The following VPS13B variants were observed in gnomAD, a reference collection of about 807,000 sequenced individuals.
VPS13B encodes vacuolar protein sorting 13 homolog B.
A neutral mutation model predicts 426.4 loss-of-function variants in VPS13B; 285 were observed. That is an observed-to-expected ratio of 0.67 (90% confidence interval 0.61 to 0.74). The LOEUF is 0.74. VPS13B is among the 30% of genes least tolerant of loss of function. The pLI, the probability that VPS13B is intolerant of heterozygous loss-of-function variation, is 0.00. For synonymous variants in VPS13B, 1,676 were observed against 1,676.4 expected, an observed-to-expected ratio of 1.00 and a Z score of 0.01; for missense variants, 4,537 against 4,782.6, an observed-to-expected ratio of 0.95 and a Z score of 1.51.
intron 23 of VPS13B, among the ~76,000 whole-genome samples, chr8:99,456,313 C>T (rs1001443410): frequency 6.6e-6 from 1 of 151,924 alleles, no homozygotes; most frequent in East Asian, 1.9e-4. Context: ...GGATTACAGG[C>T]GTGCACCACT....
intron 17 of VPS13B, among the ~76,000 whole-genome samples, chr8:99,200,902 C>G (rs1361722289): frequency 6.6e-6 from 1 of 151,978 alleles, no homozygotes; most frequent in African/African-American, 2.4e-5. Flanking sequence ...AGTACATCTT[C>G]TTTACATTGG....
intron 17 of VPS13B, among the ~76,000 whole-genome samples, chr8:99,228,787 G>A (rs1816160215): frequency 1.3e-5 from 2 of 152,246 alleles, no homozygotes; most frequent in Admixed American, 6.5e-5. Context: ...AGATATATAA[G>A]CACGTAATTA....
intron 33 of VPS13B, among the ~76,000 whole-genome samples, chr8:99,626,040 C>T (rs1017281765): frequency 5.9e-5 from 9 of 151,994 alleles, no homozygotes; most frequent in African/African-American, 2.2e-4. Context: ...TGAATCAGAC[C>T]TAAATGTAAG....
At chr8:99,496,293 A>C in intron 25 of VPS13B, among the ~76,000 whole-genome samples, 1 of 152,278 alleles carries the variant, frequency 6.6e-6, no homozygotes, top group East Asian at 1.9e-4. Context: ...ATATAATTAT[A>C]CTCATTAAAA....
At chr8:99,507,286 T>A in intron 28 of VPS13B, 83 bp downstream of exon 28, 1 of 1,391,744 alleles carries the variant, frequency 7.2e-7, no homozygotes, top group South Asian at 1.2e-5. Context: ...GGACTAATGG[T>A]TACAAGAATT....
intron 21 of VPS13B, among the ~76,000 whole-genome samples, chr8:99,415,768 C>T (rs1318855173): frequency 6.6e-6 from 1 of 152,220 alleles, no homozygotes; most frequent in Non-Finnish European, 1.5e-5. Flanking sequence ...AAGATTGCTG[C>T]CTGTTCCTTC....
intron 21 of VPS13B, among the ~76,000 whole-genome samples, chr8:99,408,125 C>T (rs1325993483): frequency 2.6e-5 from 4 of 152,114 alleles, no homozygotes; most frequent in African/African-American, 4.8e-5. Context: ...ACTTACAAAT[C>T]ATTGTAACGA....
chr8:99,731,752 A>C (rs894252834), intron 39 of VPS13B, among the ~76,000 whole-genome samples: 1 of 152,200 alleles, frequency 6.6e-6, no homozygotes, highest in Non-Finnish European at 1.5e-5. Flanking sequence ...TTAATGAGGA[A>C]GTAAGAGAAG....
At chr8:99,522,661 G>T (rs1250820651) in intron 30 of VPS13B, among the ~76,000 whole-genome samples, 1 of 151,950 alleles carries the variant, frequency 6.6e-6, no homozygotes, top group Non-Finnish European at 1.5e-5. Context: ...AGGGTAACTT[G>T]GGGTGACCCT....
At chr8:99,455,665 CT>C (rs1818414966) in intron 23 of VPS13B, among the ~76,000 whole-genome samples, 1 of 152,138 alleles carries the variant, frequency 6.6e-6, no homozygotes, top group Non-Finnish European at 1.5e-5. Flanking sequence ...CCCTGATCTG[CT>C]TTCTGTCCCT....
chr8:99,617,589 A>G (rs910000652), intron 33 of VPS13B, among the ~76,000 whole-genome samples: 7 of 152,028 alleles, frequency 4.6e-5, no homozygotes, highest in Non-Finnish European at 8.8e-5. Flanking sequence ...TGCCTCCCAA[A>G]TTGCTGAGAC....
chr8:99,848,259 A>G (rs1165347009), intron 54 of VPS13B, among the ~76,000 whole-genome samples: 3 of 152,216 alleles, frequency 2.0e-5, no homozygotes, highest in Non-Finnish European at 2.9e-5. Context: ...CATTCTTGTT[A>G]CGAGTTACAT....
intron 21 of VPS13B, among the ~76,000 whole-genome samples, chr8:99,394,073 C>A (rs1302135307): frequency 1.3e-5 from 2 of 151,926 alleles, no homozygotes; most frequent in African/African-American, 4.8e-5. Flanking sequence ...TGTTTTTTAA[C>A]CATCTTAGCC....
chr8:99,871,802 G>C (rs1306226608), intron 61 of VPS13B, 105 bp downstream of exon 61: 13 of 1,588,246 alleles, frequency 8.2e-6, no homozygotes, highest in Non-Finnish European at 1.1e-5. Context: ...CTCTGGAGTG[G>C]CTGCTGGAGA....
intron 50 of VPS13B, 112 bp from the exon 51 acceptor site, chr8:99,823,720 A>G (rs1814509445): frequency 8.6e-7 from 1 of 1,158,716 alleles, no homozygotes; most frequent in Non-Finnish European, 1.3e-6. Flanking sequence ...CAAAGGTAAA[A>G]TTGGTACTGT....
chr8:99,143,786 A>G (rs1238483713), intron 13 of VPS13B, among the ~76,000 whole-genome samples: 1 of 152,178 alleles, frequency 6.6e-6, no homozygotes, highest in Non-Finnish European at 1.5e-5. Context: ...TTGATGTTTC[A>G]TTTCTCTGTC....
chr8:99,534,412 G>A (rs1478848088), intron 30 of VPS13B, among the ~76,000 whole-genome samples: 1 of 152,106 alleles, frequency 6.6e-6, no homozygotes, highest in Non-Finnish European at 1.5e-5. Context: ...AGAAATTCAT[G>A]TTAGAAGCTA....
At chr8:99,350,908 T>G (rs1223082347) in intron 19 of VPS13B, among the ~76,000 whole-genome samples, 1 of 151,882 alleles carries the variant, frequency 6.6e-6, no homozygotes, top group African/African-American at 2.4e-5. Flanking sequence ...ATATGTAATA[T>G]TTTGAGTTAC....
intron 20 of VPS13B, among the ~76,000 whole-genome samples, chr8:99,390,478 A>G (rs1814378836): frequency 6.6e-6 from 1 of 152,142 alleles, no homozygotes; most frequent in South Asian, 2.1e-4. Flanking sequence ...ATGTTTCAGA[A>G]CATGATTGAT....
Sources: gnomAD v4.1 joint callset for allele counts (sites outside exome capture counted in the v4.1 genomes callset) on GRCh38, gnomAD v4.1.1 for gene constraint, MANE v1.5 for transcripts, NCBI Gene and HGNC (gene_info 2026-07-23, HGNC 2026-07-21) for gene names.